The following EYS variants were observed in gnomAD, a reference collection of about 807,000 sequenced individuals.
The protein encoded by EYS is protein eyes shut homolog.
A neutral mutation model predicts 282.1 loss-of-function variants in EYS; 250 were observed. The observed-to-expected ratio is 0.89, with a 90% confidence interval of 0.80 to 0.98. The LOEUF is 0.98. Among genes scored for constraint, EYS ranks in the 50% least tolerant of loss-of-function variants. EYS has a pLI of 0.00. For synonymous variants in EYS, 1,355 were observed against 1,282.9 expected (o/e 1.06, Z -1.20); for missense variants, 4,016 against 3,709.0 (o/e 1.08, Z -2.15).
Position 64,886,305 on chromosome 6 carries a change from T to C in EYS, c.2992+392A>G, listed in dbSNP as rs567564548. 1.9e-4 allele frequency among the ~76,000 whole-genome samples: 28 copies of C among 146,986 alleles called. 1 individual carries two copies. In the South Asian group the frequency reaches 6.1e-3, roughly 32 times the overall value. On this transcript the variant is annotated intron_variant, in intron 19 of 42. Coordinates refer to ENST00000503581, the MANE Select transcript of EYS (RefSeq NM_001142800.2). ...TTTTGCTTTACATTTAAATTCACAA[T>C]GGCTGTCTTTTTATGTAAATATTTT...
At chr6:63,749,663 G>T (rs1295970921) in intron 41 of EYS, among the ~76,000 whole-genome samples, 1 of 152,188 alleles carries the variant, frequency 6.6e-6, no homozygotes, top group African/African-American at 2.4e-5. Flanking sequence ...TCAAGTGTCT[G>T]TGGTGGTCAA....
intron 30 of EYS, among the ~76,000 whole-genome samples, chr6:64,261,999 C>T (rs559976962): frequency 1.3e-5 from 2 of 152,104 alleles, no homozygotes; most frequent in South Asian, 4.2e-4. Context: ...AAGCAATTTG[C>T]TCGCCTTGGA....
chr6:64,941,876 T>C (rs1769102367), intron 15 of EYS, among the ~76,000 whole-genome samples: 1 of 152,096 alleles, frequency 6.6e-6, no homozygotes, highest in African/African-American at 2.4e-5. Flanking sequence ...GGAACCTAGG[T>C]TAGTTCTATG....
rs148600654 is a variant in EYS at position 65,409,786 on chromosome 6, G to A, written c.863-4419C>T. ...TCTACAAAATATTAAGTTACTTAGT[G>A]ACAACTTACTAGCCAGAAAACACTG... On this transcript the variant is annotated intron_variant, in intron 5 of 42. Coordinates refer to ENST00000503581, the MANE Select transcript of EYS (RefSeq NM_001142800.2). 4.6e-5 allele frequency among the ~76,000 whole-genome samples: 7 copies of A among 152,124 alleles called. No homozygotes were observed. In the East Asian group the frequency reaches 7.8e-4, roughly 17 times the overall value.
At chr6:65,338,602 G>C (rs1442584167) in intron 10 of EYS, among the ~76,000 whole-genome samples, 1 of 150,738 alleles carries the variant, frequency 6.6e-6, no homozygotes, top group African/African-American at 2.4e-5. Context: ...ATTAAACTTT[G>C]ATTGCACAAA....
intron 5 of EYS, among the ~76,000 whole-genome samples, chr6:65,438,060 A>T (rs1348537277): frequency 4.5e-5 from 6 of 133,200 alleles, no homozygotes; most frequent in Non-Finnish European, 9.2e-5. Flanking sequence ...CCTGTGTCCA[A>T]GTGTTCTTAT....
intron 8 of EYS, among the ~76,000 whole-genome samples, chr6:65,355,715 A>C (rs1404662142): frequency 2.0e-5 from 3 of 152,124 alleles, no homozygotes; most frequent in Non-Finnish European, 4.4e-5. Context: ...TAGCCAGCCC[A>C]CATATGGAAA....
intron 12 of EYS, among the ~76,000 whole-genome samples, chr6:65,147,857 C>T (rs1027248202): frequency 3.3e-5 from 5 of 151,996 alleles, no homozygotes; most frequent in Non-Finnish European, 7.4e-5. Context: ...GAAACAAAAA[C>T]GGCCTTCCTT....
intron 30 of EYS, among the ~76,000 whole-genome samples, chr6:64,232,037 G>T (rs911671434): frequency 6.6e-6 from 1 of 151,912 alleles, no homozygotes; most frequent in African/African-American, 2.4e-5. Flanking sequence ...TATCTACTAC[G>T]CACGTTAATG....
chr6:64,869,103 C>T (rs577817009), intron 19 of EYS, among the ~76,000 whole-genome samples: 1 of 151,542 alleles, frequency 6.6e-6, no homozygotes, highest in South Asian at 2.1e-4. Context: ...CCTTACACTT[C>T]ATTTTATATT....
chr6:63,775,165 G>C (rs968095757), intron 40 of EYS, among the ~76,000 whole-genome samples: 1 of 152,134 alleles, frequency 6.6e-6, no homozygotes, highest in Middle Eastern at 3.2e-3. Flanking sequence ...GTGTGGTGAT[G>C]AACTCGGAGC....
chr6:64,015,634 A>T (rs917894756), intron 33 of EYS, among the ~76,000 whole-genome samples: 1 of 152,220 alleles, frequency 6.6e-6, no homozygotes, highest in African/African-American at 2.4e-5. Context: ...TGCCTATTAT[A>T]TAAGAAATGT....
chr6:65,094,402 A>G (rs538081271), intron 12 of EYS, among the ~76,000 whole-genome samples: 1 of 151,134 alleles, frequency 6.6e-6, no homozygotes, highest in Admixed American at 6.6e-5. Flanking sequence ...GAAAGATTCC[A>G]TACAATAGCA....
chr6:64,131,385 G>C (rs1308452639), intron 31 of EYS, among the ~76,000 whole-genome samples: 3 of 151,982 alleles, frequency 2.0e-5, no homozygotes, highest in Non-Finnish European at 4.4e-5. Context: ...AAGCAATGTT[G>C]CTTGCTCAAA....
chr6:64,957,040 G>T (rs1350859071), intron 14 of EYS, among the ~76,000 whole-genome samples: 1 of 152,122 alleles, frequency 6.6e-6, no homozygotes, highest in Admixed American at 6.5e-5. Flanking sequence ...TAAAAATAGA[G>T]CTATCAAATG....
chr6:64,933,329 G>T (rs2150088337), intron 15 of EYS, among the ~76,000 whole-genome samples: 1 of 152,112 alleles, frequency 6.6e-6, no homozygotes, highest in South Asian at 2.1e-4. Context: ...CAAAGGATAG[G>T]AACAGATACT....
intron 5 of EYS, among the ~76,000 whole-genome samples, chr6:65,452,027 AT>A (rs1764418086): frequency 6.6e-6 from 1 of 151,698 alleles, no homozygotes; most frequent in African/African-American, 2.4e-5. Flanking sequence ...ACTAATCTTA[AT>A]TTTTAATATG....
intron 22 of EYS, among the ~76,000 whole-genome samples, chr6:64,757,815 C>G (rs1296451605): frequency 6.6e-6 from 1 of 151,484 alleles, no homozygotes; most frequent in African/African-American, 2.4e-5. Context: ...GACGGAGTCT[C>G]GCTCTGTCGC....
chr6:63,865,939 A>C (rs1562067407), intron 35 of EYS, among the ~76,000 whole-genome samples: 1 of 152,120 alleles, frequency 6.6e-6, no homozygotes, highest in Admixed American at 6.6e-5. Flanking sequence ...GATTTTGCCA[A>C]CTCATAAGGC....
Sources: allele counts gnomAD v4.1 joint callset (sites outside exome capture counted in the v4.1 genomes callset), GRCh38; gene constraint gnomAD v4.1.1; transcripts MANE v1.5; gene names NCBI Gene and HGNC (gene_info 2026-07-23, HGNC 2026-07-21).